NTRK3: variants seen among roughly 807,000 people sequenced by gnomAD.
NTRK3 encodes the protein neurotrophic receptor tyrosine kinase 3, also known as NT-3 growth factor receptor.
A neutral mutation model predicts 91.7 loss-of-function variants in NTRK3; 24 were observed. The ratio of observed to expected loss-of-function variants is 0.26; its 90% CI spans 0.19 to 0.37. The LOEUF (loss-of-function observed/expected upper bound fraction) is 0.37. NTRK3 is among the 10% of genes least tolerant of loss of function. The pLI, the probability that NTRK3 is intolerant of heterozygous loss-of-function variation, is 1.00. For synonymous variants in NTRK3, 483 were observed against 404.0 expected, an observed-to-expected ratio of 1.20 and a Z score of -2.34; for missense variants, 880 against 1,068.9, an observed-to-expected ratio of 0.82 and a Z score of 2.46.
chr15:88,159,173 G>A (rs559352622), intron 5 of NTRK3, among the ~76,000 whole-genome samples: 1 of 152,302 alleles, frequency 6.6e-6, no homozygotes, highest in Admixed American at 6.5e-5. Flanking sequence ...CCAGACAACA[G>A]TCCCCTTTCT....
intron 3 of NTRK3, among the ~76,000 whole-genome samples, chr15:88,222,455 C>A (rs2050313020): frequency 6.6e-6 from 1 of 152,198 alleles, no homozygotes; most frequent in South Asian, 2.1e-4. Context: ...AGCTGCCTTT[C>A]AATAATACAA....
intron 3 of NTRK3, among the ~76,000 whole-genome samples, chr15:88,247,856 AG>A (rs1308944931): frequency 1.3e-5 from 2 of 152,164 alleles, no homozygotes; most frequent in Non-Finnish European, 2.9e-5. Flanking sequence ...AGGCGGGGTA[AG>A]GTCGCGGGGG....
At chr15:87,922,787 T>C (rs1360642473) in intron 17 of NTRK3, among the ~76,000 whole-genome samples, 1 of 152,226 alleles carries the variant, frequency 6.6e-6, no homozygotes, top group Admixed American at 6.5e-5. Flanking sequence ...GTTGCTCTAA[T>C]TTGTATTTCT....
In NTRK3 at chr15:87,969,701, C is replaced by A. The variant is rs192723733; in HGVS notation, c.1586-28948G>T. ...TCTCCCTCCTCCTCTCCCTCCCTAG[C>A]CAGCCCAGGCAACTCCCTGGAGAAT... On this transcript the variant is annotated intron_variant, in intron 14 of 18. Transcript: ENST00000394480. Among the ~76,000 whole-genome samples, 29 of 152,282 alleles carry A rather than the reference C, an allele frequency of 1.9e-4. 1 individual carries two copies. The highest frequency in any genetic ancestry group is 7.8e-4 in the Admixed American group (12 of 15,294).
chr15:88,178,390 C>A (rs1304334134), intron 5 of NTRK3, among the ~76,000 whole-genome samples: 1 of 152,162 alleles, frequency 6.6e-6, no homozygotes, highest in Admixed American at 6.5e-5. Context: ...GGGATCCTAG[C>A]CACCTCTTCT....
intron 3 of NTRK3, among the ~76,000 whole-genome samples, chr15:88,201,343 G>A (rs1052947550): frequency 1.3e-5 from 2 of 152,186 alleles, no homozygotes; most frequent in African/African-American, 4.8e-5. Flanking sequence ...TTACAAGTGT[G>A]CAGACACCTA....
At chr15:88,082,197 G>C (rs900879470) in intron 13 of NTRK3, among the ~76,000 whole-genome samples, 1 of 151,276 alleles carries the variant, frequency 6.6e-6, no homozygotes, top group Non-Finnish European at 1.5e-5. Context: ...AGAATGGAGT[G>C]AACCCGGGAG....
intron 13 of NTRK3, among the ~76,000 whole-genome samples, chr15:88,049,891 T>C (rs1224007882): frequency 6.6e-6 from 1 of 152,240 alleles, no homozygotes; most frequent in Non-Finnish European, 1.5e-5. Flanking sequence ...GAGAAAGCTA[T>C]AGGAAAGCAT....
At chr15:88,078,504 G>A (rs567484784) in intron 13 of NTRK3, among the ~76,000 whole-genome samples, 4 of 152,178 alleles carry the variant, frequency 2.6e-5, no homozygotes, top group African/African-American at 7.2e-5. Context: ...ACAAAAATTA[G>A]CTGGACATGG....
At chr15:87,955,819 T>C (rs527373016) in intron 14 of NTRK3, among the ~76,000 whole-genome samples, 162 of 152,258 alleles carry the variant, frequency 1.1e-3, no homozygotes, top group Middle Eastern at 6.8e-3. Flanking sequence ...CCCACTTATT[T>C]GCTGAGGGGT....
chr15:87,893,653 A>G (rs2065958051), intron 17 of NTRK3, among the ~76,000 whole-genome samples: 1 of 152,246 alleles, frequency 6.6e-6, no homozygotes, highest in Admixed American at 6.5e-5. Flanking sequence ...AGGCTTCCGC[A>G]TCTAATTACA....
intron 14 of NTRK3, among the ~76,000 whole-genome samples, chr15:88,017,192 G>T (rs567998274): frequency 6.6e-5 from 10 of 152,216 alleles, no homozygotes; most frequent in African/African-American, 2.4e-4. Flanking sequence ...ATTTTCTAAT[G>T]ATTGCTCCCT....
chr15:87,983,549 C>A (rs2074477558), intron 14 of NTRK3, among the ~76,000 whole-genome samples: 1 of 152,132 alleles, frequency 6.6e-6, no homozygotes, highest in Admixed American at 6.5e-5. Flanking sequence ...GTTCTTTATA[C>A]CTCAACATCC....
At chr15:87,929,169 G>A (rs2141908195) in intron 17 of NTRK3, 22 bp downstream of exon 17, 1 of 1,614,190 alleles carries the variant, frequency 6.2e-7, no homozygotes, top group Non-Finnish European at 8.5e-7. Context: ...GCTGAGTCCT[G>A]CAGCTGGGAA....
intron 14 of NTRK3, among the ~76,000 whole-genome samples, chr15:88,031,386 G>C (rs1314335119): frequency 2.0e-5 from 3 of 152,198 alleles, no homozygotes; most frequent in Non-Finnish European, 4.4e-5. Context: ...GACTGAGCTT[G>C]GACCCAGCTA....
At chr15:87,957,048 CA>C (rs1214423097) in intron 14 of NTRK3, among the ~76,000 whole-genome samples, 2 of 152,168 alleles carry the variant, frequency 1.3e-5, no homozygotes, top group Non-Finnish European at 2.9e-5. Flanking sequence ...CAACCCCACT[CA>C]ACGTGACCCA....
chr15:88,082,270 T>G (rs140463603), intron 13 of NTRK3, among the ~76,000 whole-genome samples: 4,477 of 144,848 alleles, frequency 0.031, 224 homozygotes, highest in African/African-American at 0.1. Flanking sequence ...AAAGTGAGAC[T>G]CTGTCTCAAA....
At chr15:88,254,843 C>T (rs112972505) in intron 3 of NTRK3, among the ~76,000 whole-genome samples, 6 of 152,278 alleles carry the variant, frequency 3.9e-5, no homozygotes, top group African/African-American at 1.4e-4. Flanking sequence ...ATCCTCTGAG[C>T]AATTCCAGTA....
At chr15:88,250,126 C>T (rs1455733480) in intron 3 of NTRK3, among the ~76,000 whole-genome samples, 1 of 152,200 alleles carries the variant, frequency 6.6e-6, no homozygotes, top group Non-Finnish European at 1.5e-5. Flanking sequence ...ATGTCAATAG[C>T]CCCTCACATT....
Sources: allele counts gnomAD v4.1 joint callset (sites outside exome capture counted in the v4.1 genomes callset), GRCh38; gene constraint gnomAD v4.1.1; transcripts MANE v1.5; gene names NCBI Gene and HGNC (gene_info 2026-07-23, HGNC 2026-07-21).